Variants in TMEM181 observed in about 807,000 individuals in gnomAD.
TMEM181 encodes transmembrane protein 181.
TMEM181 carries 39 observed loss-of-function variants against 71.9 expected under a neutral mutation model. The ratio of observed to expected loss-of-function variants is 0.54; its 90% CI spans 0.42 to 0.71. TMEM181 has a LOEUF of 0.71. Among genes scored for constraint, TMEM181 ranks in the 30% least tolerant of loss-of-function variants. The pLI, the probability that TMEM181 is intolerant of heterozygous loss-of-function variation, is 0.00. For synonymous variants in TMEM181, 245 were observed against 228.8 expected (o/e 1.07, Z -0.64); for missense variants, 595 against 583.0 (o/e 1.02, Z -0.21).
intron 1 of TMEM181, among the ~76,000 whole-genome samples, chr6:158,570,790 T>A (rs776178949): frequency 1.3e-5 from 2 of 152,090 alleles, no homozygotes; most frequent in Non-Finnish European, 2.9e-5. Context: ...TTAACTGAAC[T>A]AAAGGCTTTA....
chr6:158,583,858 T>G (rs963225888), intron 3 of TMEM181, 96 bp from the exon 4 acceptor site: 23 of 842,868 alleles, frequency 2.7e-5, no homozygotes, highest in Admixed American at 5.7e-5. Context: ...ACTGAAGCCT[T>G]TATTGCTAAA....
rs1784254911 is a variant in TMEM181 at position 158,594,008 on chromosome 6, C to T, written c.492+4226C>T. Among the ~76,000 whole-genome samples, 3 of 152,054 alleles carry T rather than the reference C, an allele frequency of 2.0e-5. No homozygotes were observed. The South Asian group carries it at 6.2e-4, about 32-fold the overall frequency. On this transcript the variant is annotated intron_variant, in intron 6 of 16. Transcript: ENST00000684151. ...GTACCGTAGAGTTCATTTCAGTGCCCTGAAAATCCTTTGTGCTTCACCTGT... is the reference window on the plus strand; with the variant it reads ...GTACCGTAGAGTTCATTTCAGTGCCTTGAAAATCCTTTGTGCTTCACCTGT...
At chr6:158,562,320 T>G (rs1782227463) in intron 1 of TMEM181, among the ~76,000 whole-genome samples, 2 of 152,156 alleles carry the variant, frequency 1.3e-5, no homozygotes, top group Admixed American at 1.3e-4. Flanking sequence ...GAGGACGGTG[T>G]GGGGCGTCTC....
chr6:158,560,584 G>T (rs1782102383), intron 1 of TMEM181, among the ~76,000 whole-genome samples: 1 of 152,230 alleles, frequency 6.6e-6, no homozygotes, highest in East Asian at 1.9e-4. Flanking sequence ...CCGCCCGCAC[G>T]GAGTCCCGCC....
intron 1 of TMEM181, among the ~76,000 whole-genome samples, chr6:158,542,498 C>A (rs1363201118): frequency 6.6e-6 from 1 of 152,206 alleles, no homozygotes; most frequent in Non-Finnish European, 1.5e-5. Context: ...AAGTCTGTAT[C>A]GTATGCACTT....
rs192418326 is a variant in TMEM181 at position 158,581,067 on chromosome 6, C to T, written c.168+72C>T. ...ACCTCAGGTCACTGAGAAATGGTTC[C>T]GCTTAGAGTCTTTAAGGTAGCCTTC... On this transcript the variant is annotated intron_variant, in intron 3 of 16. Coordinates refer to ENST00000684151, the MANE Select transcript of TMEM181 (RefSeq NM_001376852.1). 7,751 of 1,440,210 alleles carry T rather than the reference C, an allele frequency of 5.4e-3. 28 individuals are homozygous for T. The highest frequency in any genetic ancestry group is 6.0e-3 in the Non-Finnish European group (6,168 of 1,031,948). The allele number at this position is 1,440,210 out of a possible 1,614,324, so 89.2% of individuals were successfully genotyped here. A position where few individuals can be genotyped will look rare whatever the true frequency, so the allele number is the denominator to read the frequency against.
intron 4 of TMEM181, among the ~76,000 whole-genome samples, chr6:158,584,476 C>G (rs184221277): frequency 6.6e-6 from 1 of 152,310 alleles, no homozygotes; most frequent in African/African-American, 2.4e-5. Flanking sequence ...GACACCTCCC[C>G]CACTTTCACA....
chr6:158,611,881 C>T (rs892426996), intron 10 of TMEM181, among the ~76,000 whole-genome samples: 1 of 152,166 alleles, frequency 6.6e-6, no homozygotes, highest in Non-Finnish European at 1.5e-5. Flanking sequence ...GAGGTTATCA[C>T]AGGCTTGGAA....
chr6:158,628,461 T>C lies in TMEM181; in HGVS notation c.1163T>C (p.Val388Ala), dbSNP rs1786466378. ...FGAQVLQDNFVAELSTHYQNS... is the reference protein window; with the variant it reads ...FGAQVLQDNFAAELSTHYQNS... ...GCGCAAGTACTACAAGACAATTTTG[T>C]AGCAGAGCTGTCAACTCACTACCAG... The change falls in exon 14 of 17, where the codon GTA (valine) becomes GCA (alanine). Residue 388 changes from valine to alanine, a missense_variant. Coordinates refer to ENST00000684151, the MANE Select transcript of TMEM181 (RefSeq NM_001376852.1). The C allele has an allele frequency of 6.2e-7, 1 of 1,614,104 alleles. No homozygotes were observed. The highest frequency in any genetic ancestry group is 1.1e-5 in the South Asian group (1 of 91,086).
intron 6 of TMEM181, among the ~76,000 whole-genome samples, chr6:158,592,495 C>T (rs1162246039): frequency 6.7e-6 from 1 of 150,354 alleles, no homozygotes; most frequent in Non-Finnish European, 1.5e-5. Flanking sequence ...TTTTCTGAAA[C>T]GGAGTCTCAC....
intron 6 of TMEM181, among the ~76,000 whole-genome samples, chr6:158,599,365 A>T (rs1033353348): frequency 1.4e-4 from 22 of 152,136 alleles, no homozygotes; most frequent in Admixed American, 1.4e-3. Flanking sequence ...TCACAGGGCA[A>T]GCCTCGGCTC....
intron 10 of TMEM181, chr6:158,611,159 C>T (rs1297946142): frequency 3.8e-6 from 2 of 530,206 alleles, no homozygotes; most frequent in Non-Finnish European, 7.7e-6. Context: ...TCTCCTGTCA[C>T]AGAAGCTGCT....
chr6:158,610,334 G>A, intron 10 of TMEM181: 1 of 289,792 alleles, frequency 3.5e-6, no homozygotes, highest in Non-Finnish European at 7.0e-6. Flanking sequence ...TCTTTCAACA[G>A]CTCCCCCCGT....
At chr6:158,601,259 C>G (rs1242990544) in intron 6 of TMEM181, among the ~76,000 whole-genome samples, 3 of 152,300 alleles carry the variant, frequency 2.0e-5, no homozygotes, top group East Asian at 3.9e-4. Flanking sequence ...CATTAAAATG[C>G]TATGATAGGC....
In TMEM181 at chr6:158,625,983, C is replaced by T. The variant is rs962254221; in HGVS notation, c.1109+229C>T. Among the ~76,000 whole-genome samples the T allele has an allele frequency of 1.6e-4, 24 of 152,224 alleles. No homozygotes were observed. The East Asian group carries it at 2.3e-3, about 15-fold the overall frequency. On this transcript the variant is annotated intron_variant, in intron 13 of 16. Coordinates refer to ENST00000684151, the MANE Select transcript of TMEM181 (RefSeq NM_001376852.1). ...ACTGGAGCACGTTCACTTGCACACT[C>T]GGCCCGCGCTGGGCATGTTCTGTCC... is the stretch of plus-strand genomic sequence containing the variant.
At chr6:158,546,222 G>T (rs935330974) in intron 1 of TMEM181, among the ~76,000 whole-genome samples, 1 of 152,156 alleles carries the variant, frequency 6.6e-6, no homozygotes, top group Non-Finnish European at 1.5e-5. Flanking sequence ...ACTGTCCTCA[G>T]CTTCTGCAAG....
Position 158,625,738 on chromosome 6 carries a change from G to A in TMEM181, c.1093G>A (p.Val365Ile), listed in dbSNP as rs371179534. The change falls in exon 13 of 17, where the codon GTA becomes ATA. Residue 365 changes from valine (V) to isoleucine (I), a missense_variant. Transcript: ENST00000684151. Reference sequence around the variant, plus strand: ...GAAATTTTTGACTGCATTGACTTTCGTAGTACTTGTCATTAGGTAAGAAGA... The same window carrying A: ...GAAATTTTTGACTGCATTGACTTTCATAGTACTTGTCATTAGGTAAGAAGA... ...RLKFLTALTF[V>I]VLVISIAILY... 59 of 1,610,642 alleles carry A rather than the reference G, an allele frequency of 3.7e-5. No individual in the cohort carries two copies. Among genetic ancestry groups the A allele is most frequent in the Admixed American group, 5.1e-5 (3 of 59,226 alleles).
At chr6:158,593,257 G>A (rs951425207) in intron 6 of TMEM181, among the ~76,000 whole-genome samples, 4 of 152,166 alleles carry the variant, frequency 2.6e-5, no homozygotes, top group Non-Finnish European at 4.4e-5. Flanking sequence ...TAATAGGATA[G>A]CTAGCACAAA....
Position 158,585,289 on chromosome 6 carries a change from T to G in TMEM181, c.260-15T>G. 2 of 1,591,448 alleles carry G rather than the reference T, an allele frequency of 1.3e-6. No homozygotes were observed. The highest frequency in any genetic ancestry group is 1.7e-6 in the Non-Finnish European group (2 of 1,170,378). On this transcript the variant is annotated splice_polypyrimidine_tract_variant and intron_variant, in intron 4 of 16. Coordinates refer to ENST00000684151, the MANE Select transcript of TMEM181 (RefSeq NM_001376852.1). The stretch of plus-strand genomic sequence containing the variant: ...CCTGGCATGGTCTCTAACACTGAAT[T>G]TTTTTCTTTTGTAGAAACTTCTATT...
Sources: gnomAD v4.1 joint callset for allele counts (sites outside exome capture counted in the v4.1 genomes callset) on GRCh38, gnomAD v4.1.1 for gene constraint, MANE v1.5 for transcripts, NCBI Gene and HGNC (gene_info 2026-07-23, HGNC 2026-07-21) for gene names.